Variants in RREB1 observed in about 807,000 individuals in gnomAD.
RREB1 encodes the protein ras responsive element binding protein 1, also known as ras-responsive element-binding protein 1.
RREB1 carries 27 observed loss-of-function variants against 117.8 expected under a neutral mutation model. The observed-to-expected ratio is 0.23, with a 90% CI of 0.17 to 0.32. The LOEUF (loss-of-function observed/expected upper bound fraction) is 0.32. Among genes scored for constraint, RREB1 ranks in the 10% least tolerant of loss-of-function variants. RREB1 has a pLI of 1.00. For synonymous variants in RREB1, 1,298 were observed against 1,026.7 expected (o/e 1.26, Z -5.05); for missense variants, 2,577 against 2,378.2 (o/e 1.08, Z -1.74).
At chr6:7,187,723 A>T (rs189329656) in intron 5 of RREB1, 200 bp downstream of exon 5, 6 of 283,076 alleles carry the variant, frequency 2.1e-5, no homozygotes, top group Admixed American at 1.5e-4. Flanking sequence ...CCTTAAGCAC[A>T]GGGCAGGGTA....
chr6:7,244,879 A>G (rs1768913890), intron 11 of RREB1, among the ~76,000 whole-genome samples: 1 of 152,194 alleles, frequency 6.6e-6, no homozygotes, highest in Non-Finnish European at 1.5e-5. Flanking sequence ...CTTGATGGCA[A>G]ATCATCAAGC....
intron 1 of RREB1, among the ~76,000 whole-genome samples, chr6:7,130,097 T>C (rs1258997258): frequency 2.0e-5 from 3 of 152,178 alleles, no homozygotes; most frequent in African/African-American, 7.2e-5. Context: ...CTTGCTGTCT[T>C]TGCCTGTTGC....
chr6:7,226,950 C>T (rs554868441), intron 9 of RREB1, among the ~76,000 whole-genome samples: 2 of 152,280 alleles, frequency 1.3e-5, no homozygotes, highest in Non-Finnish European at 1.5e-5. Flanking sequence ...TTTAAGTTGT[C>T]AGTTGTAGAC....
At chr6:7,114,546 G>A (rs1761301079) in intron 1 of RREB1, among the ~76,000 whole-genome samples, 1 of 152,096 alleles carries the variant, frequency 6.6e-6, no homozygotes, top group African/African-American at 2.4e-5. Flanking sequence ...ACATCTTGGA[G>A]TGCACAGAAC....
chr6:7,186,953 T>C (rs1371221885), intron 4 of RREB1, among the ~76,000 whole-genome samples: 118 of 152,198 alleles, frequency 7.8e-4, no homozygotes, highest in Non-Finnish European at 1.0e-4. Context: ...GGCTTCCCTC[T>C]TTGTAGGGTG....
intron 8 of RREB1, among the ~76,000 whole-genome samples, chr6:7,222,038 C>T (rs894468856): frequency 1.3e-5 from 2 of 152,158 alleles, no homozygotes; most frequent in Non-Finnish European, 2.9e-5. Context: ...AGAAGGGAAA[C>T]TGAGGTGTGA....
At position 7,246,849 on chromosome 6, in the gene RREB1, C is replaced by T; in HGVS notation, c.4399C>T (p.Arg1467Trp). 1.3e-6 allele frequency: 2 copies of T among 1,553,332 alleles called. No homozygotes were observed. Among genetic ancestry groups the T allele is most frequent in the South Asian group, 1.2e-5 (1 of 84,410 alleles). Residue 1467 changes from arginine to tryptophan, a missense_variant, in exon 12 of 13, where the codon CGG becomes TGG. Coordinates refer to ENST00000379938, the MANE Select transcript of RREB1 (RefSeq NM_001003699.4). ...FKFLGTLSRH[R>W]KAHGRQEPKD... The stretch of plus-strand genomic sequence containing the variant: ...GTTCCTGGGCACCCTGAGCCGCCAC[C>T]GGAAGGCGCACGGCCGCCAGGAGCC...
intron 6 of RREB1, among the ~76,000 whole-genome samples, chr6:7,207,306 G>A (rs1766331554): frequency 6.6e-6 from 1 of 152,180 alleles, no homozygotes. Context: ...CAGCCACTTT[G>A]CAGAAAGGCA....
intron 2 of RREB1, among the ~76,000 whole-genome samples, chr6:7,179,680 A>G (rs1764688548): frequency 6.6e-6 from 1 of 152,206 alleles, no homozygotes; most frequent in African/African-American, 2.4e-5. Context: ...TCCATTAAGA[A>G]AAAATTGTGT....
In RREB1 at chr6:7,125,728, C is replaced by T. The variant is rs1581416303; in HGVS notation, c.-285+17668C>T. ...TTGTAAGAGGCCCAGTGACATGTGG[C>T]AGTGCTCAAGTGTGATAGCCTCTGG... is the stretch of plus-strand genomic sequence containing the variant. On this transcript the variant is annotated intron_variant, in intron 1 of 12. Coordinates refer to ENST00000379938, the MANE Select transcript of RREB1 (RefSeq NM_001003699.4). 9.2e-5 allele frequency among the ~76,000 whole-genome samples: 14 copies of T among 152,234 alleles called. 1 individual carries two copies. In the South Asian group the frequency reaches 2.9e-3, roughly 32 times the overall value.
intron 2 of RREB1, among the ~76,000 whole-genome samples, chr6:7,177,035 G>A (rs1339067089): frequency 1.3e-5 from 2 of 151,776 alleles, no homozygotes; most frequent in Non-Finnish European, 2.9e-5. Context: ...TGGCCAACAT[G>A]GTGAAACCCT....
chr6:7,196,573 T>TA (rs1203719218), intron 6 of RREB1, among the ~76,000 whole-genome samples: 2 of 152,176 alleles, frequency 1.3e-5, no homozygotes, highest in Admixed American at 6.5e-5. Flanking sequence ...GCCTATAACT[T>TA]ACTATACTTT....
intron 1 of RREB1, among the ~76,000 whole-genome samples, chr6:7,161,993 A>G (rs184527658): frequency 6.6e-6 from 1 of 152,300 alleles, no homozygotes; most frequent in African/African-American, 2.4e-5. Flanking sequence ...TTTCCAGAGC[A>G]ACAGGATAAA....
intron 6 of RREB1, among the ~76,000 whole-genome samples, chr6:7,203,184 G>A (rs1766080553): frequency 6.6e-6 from 1 of 152,138 alleles, no homozygotes; most frequent in African/African-American, 2.4e-5. Flanking sequence ...TGAAAGTCAG[G>A]AGAGGAGGAA....
chr6:7,240,323 G>T, intron 10 of RREB1, 115 bp from the exon 11 acceptor site: 1 of 628,798 alleles, frequency 1.6e-6, no homozygotes, highest in Non-Finnish European at 2.6e-6. Flanking sequence ...TTTTCTTGAA[G>T]GGATGGAGGA....
At chr6:7,156,850 G>A (rs1023076473) in intron 1 of RREB1, among the ~76,000 whole-genome samples, 3 of 152,202 alleles carry the variant, frequency 2.0e-5, no homozygotes, top group African/African-American at 7.2e-5. Flanking sequence ...TGAGTAGGAG[G>A]AGAGGGTTCC....
At chr6:7,172,053 C>T (rs1180352992) in intron 1 of RREB1, among the ~76,000 whole-genome samples, 1 of 151,988 alleles carries the variant, frequency 6.6e-6, no homozygotes, top group African/African-American at 2.4e-5. Flanking sequence ...TCATGCAATC[C>T]TCCTGCCTCA....
At chr6:7,149,477 A>T (rs1287428467) in intron 1 of RREB1, among the ~76,000 whole-genome samples, 2 of 152,220 alleles carry the variant, frequency 1.3e-5, no homozygotes, top group East Asian at 3.9e-4. Context: ...AAACCATAGA[A>T]TTTTAGAGCT....
In RREB1 at chr6:7,231,560, G is replaced by A. The variant is rs747599598; in HGVS notation, c.3461G>A (p.Gly1154Asp). The A allele has an allele frequency of 1.3e-4, 203 of 1,610,540 alleles. 1 individual carries two copies. The highest frequency in any genetic ancestry group is 2.4e-4 in the Admixed American group (14 of 59,442). Residue 1154 changes from glycine to aspartate, a missense_variant, in exon 10 of 13, where the codon GGC (glycine) becomes GAC (aspartate). Coordinates refer to ENST00000379938, the MANE Select transcript of RREB1 (RefSeq NM_001003699.4). Reference protein sequence around the residue: ...QGPAGTSKKRGRKRGMRSRPR... With the variant: ...QGPAGTSKKRDRKRGMRSRPR... ...CCAGCGGGCACGTCGAAGAAGAGGG[G>A]CCGGAAAAGGGGGATGAGGAGCCGA...
Sources: allele counts gnomAD v4.1 joint callset (sites outside exome capture counted in the v4.1 genomes callset), GRCh38; gene constraint gnomAD v4.1.1; transcripts MANE v1.5; gene names NCBI Gene and HGNC (gene_info 2026-07-23, HGNC 2026-07-21).